EPG5: variants seen among roughly 807,000 people sequenced by gnomAD.
EPG5 encodes ectopic P-granules 5 autophagy tethering factor.
EPG5 carries 159 observed loss-of-function variants against 302.7 expected under a neutral mutation model. The observed-to-expected ratio is 0.53, with a 90% CI of 0.46 to 0.60. The LOEUF is 0.60. EPG5 is among the 20% of genes least tolerant of loss of function. The probability of loss-of-function intolerance (pLI) is 0.00; values close to 1 mark genes in which losing one functional copy is unlikely to be tolerated. For synonymous variants in EPG5, 1,158 were observed against 1,136.8 expected (o/e 1.02, Z -0.37); for missense variants, 2,896 against 3,092.4 (o/e 0.94, Z 1.51).
In EPG5 at chr18:45,879,984, T is replaced by C. The variant is rs1348590010; in HGVS notation, c.5667+91A>G. 4.3e-6 allele frequency: 6 copies of C among 1,385,676 alleles called. No homozygotes were observed. The Admixed American group carries it at 7.0e-5, about 16-fold the overall frequency. 85.8% of individuals were successfully genotyped at this position (1,385,676 alleles called of 1,614,324 possible). A position where few individuals can be genotyped will look rare whatever the true frequency, so the allele number is the denominator to read the frequency against. On this transcript the variant is annotated intron_variant, in intron 32 of 43. Coordinates refer to ENST00000282041, the MANE Select transcript of EPG5 (RefSeq NM_020964.3). ...AAGAAAAACACATGGCTCTTAAAGA[T>C]AATGCACAAGTTTTCCAACTGCTTA...
At chr18:45,898,985 C>T (rs2049541466) in intron 27 of EPG5, among the ~76,000 whole-genome samples, 1 of 152,088 alleles carries the variant, frequency 6.6e-6, no homozygotes, top group African/African-American at 2.4e-5. Flanking sequence ...ATTAGCCGGG[C>T]GTGGTGGCAG....
At chr18:45,903,873 T>C (rs2049682916) in intron 25 of EPG5, 100 bp downstream of exon 25, 1 of 1,251,246 alleles carries the variant, frequency 8.0e-7, no homozygotes. Context: ...AGAGGAAAAA[T>C]GAACACTGGG....
the EPG5 span, among the ~76,000 whole-genome samples, chr18:45,806,666 A>G: frequency 2.1e-4 from 32 of 152,146 alleles, no homozygotes; most frequent in Non-Finnish European, 2.9e-4. Flanking sequence ...GAGTCAATTT[A>G]GAGAGCCTAG....
chr18:45,923,678 A>G (rs1667685808), intron 14 of EPG5, among the ~76,000 whole-genome samples: 1 of 152,194 alleles, frequency 6.6e-6, no homozygotes, highest in African/African-American at 2.4e-5. Flanking sequence ...CTCTACAAAC[A>G]CTTCGGGTCA....
rs2050066407 is a variant in EPG5 at position 45,917,785 on chromosome 18, A to G, written c.3133T>C (p.Leu1045=). 2 of 1,614,008 alleles carry G rather than the reference A, an allele frequency of 1.2e-6. No individual in the cohort carries two copies. The highest frequency in any genetic ancestry group is 1.3e-5 in the African/African-American group (1 of 74,942). ...EKFCAEGIPL[L]GILVQSRHLR... ...TGTCTTGACTGGACCAGAATTCCCA[A>G]TAGTGGGATGCCTTCTGCACAGAAC... Residue 1045 remains leucine, a synonymous_variant, in exon 17 of 44, where the codon TTG becomes CTG. Coordinates refer to ENST00000282041, the MANE Select transcript of EPG5 (RefSeq NM_020964.3).
Position 45,871,672 on chromosome 18 carries a change from C to T in EPG5, c.6050-930G>A, listed in dbSNP as rs546478702. Among the ~76,000 whole-genome samples, 6 of 152,100 alleles carry T rather than the reference C, an allele frequency of 3.9e-5. No homozygotes were observed. In the East Asian group the frequency reaches 5.8e-4, roughly 15 times the overall value. ...GAGAACTCATGCTAAGTGAAGAAAA[C>T]GAGGCACAGAAAGACAAATGCCACA... On this transcript the variant is annotated intron_variant, in intron 35 of 43. Transcript: ENST00000282041.
At chr18:45,838,525 T>C in the EPG5 span, 3 of 756,820 alleles carry the variant, frequency 4.0e-6, no homozygotes, top group South Asian at 6.3e-5. Context: ...GATCCTCACT[T>C]TACACATGGA....
At chr18:45,816,962 A>C in the EPG5 span, among the ~76,000 whole-genome samples, 1 of 152,262 alleles carries the variant, frequency 6.6e-6, no homozygotes, top group African/African-American at 2.4e-5. Flanking sequence ...AATGGCATTC[A>C]CAGCAACCTG....
At chr18:45,953,965 G>C in intron 2 of EPG5, 1 of 975,940 alleles carries the variant, frequency 1.0e-6, no homozygotes, top group African/African-American at 1.8e-5. Context: ...TGACCCATGG[G>C]CTGAATTTCA....
chr18:45,961,741 C>T (rs538828378), intron 1 of EPG5, among the ~76,000 whole-genome samples: 2 of 151,996 alleles, frequency 1.3e-5, no homozygotes, highest in South Asian at 4.1e-4. Context: ...GCCTGTAATC[C>T]CAGCTACTCA....
chr18:45,871,850 T>A (rs562509639), intron 35 of EPG5, among the ~76,000 whole-genome samples: 1 of 152,094 alleles, frequency 6.6e-6, no homozygotes, highest in Admixed American at 6.6e-5. Context: ...GCAGGAGGAA[T>A]AGGTTTCAGG....
chr18:45,947,606 C>T (rs1015434463), intron 6 of EPG5, among the ~76,000 whole-genome samples: 5 of 152,024 alleles, frequency 3.3e-5, no homozygotes, highest in African/African-American at 7.3e-5. Flanking sequence ...CCAACCCACC[C>T]GAGTTCTTCA....
intron 35 of EPG5, among the ~76,000 whole-genome samples, chr18:45,875,598 A>C (rs2048951064): frequency 6.6e-6 from 1 of 152,156 alleles, no homozygotes; most frequent in Non-Finnish European, 1.5e-5. Context: ...GAAATTACCC[A>C]TAATAAAGCA....
At position 45,901,121 on chromosome 18, in the gene EPG5, C is replaced by G. The variant is rs758611855; in HGVS notation, c.4521G>C (p.Gln1507His). The G allele has an allele frequency of 2.9e-5, 46 of 1,614,034 alleles. No individual in the cohort carries two copies. The highest frequency in any genetic ancestry group is 3.9e-5 in the Non-Finnish European group (46 of 1,180,040). Reference sequence around the variant, plus strand: ...TCGTCGGGTGCAGAGCAAGGGGAGGCTGGGGAGCCTCATGCTTCCGCAAGT... The same window carrying G: ...TCGTCGGGTGCAGAGCAAGGGGAGGGTGGGGAGCCTCATGCTTCCGCAAGT... ...LSNLRKHEAP[Q>H]PPLALHPTKP... The change falls in exon 26 of 44, where the codon CAG (glutamine) becomes CAC (histidine). Residue 1507 changes from glutamine (Q) to histidine (H), a missense_variant. This residue lies in a region of EPG5 where 790 missense variants were observed against 798.0 expected (regional missense o/e 0.99). Transcript: ENST00000282041.
intron 1 of EPG5, among the ~76,000 whole-genome samples, chr18:45,965,586 T>C (rs1004777667): frequency 1.3e-5 from 2 of 152,216 alleles, no homozygotes; most frequent in Admixed American, 1.3e-4. Context: ...CGGATTACAG[T>C]ATCATGCTTA....
intron 27 of EPG5, among the ~76,000 whole-genome samples, chr18:45,898,310 ACTTCTCT>A: frequency 6.6e-6 from 1 of 152,164 alleles, no homozygotes; most frequent in Non-Finnish European, 1.5e-5. Context: ...AACTTAATTA[ACTTCTCT>A]GTGACTCTAC....
At chr18:45,861,794 G>C (rs1397193308) in intron 39 of EPG5, among the ~76,000 whole-genome samples, 1 of 151,948 alleles carries the variant, frequency 6.6e-6, no homozygotes, top group East Asian at 1.9e-4. Context: ...CGTTTCAAGG[G>C]TCTTGTCCAT....
intron 30 of EPG5, 85 bp downstream of exon 30, chr18:45,884,532 C>T: frequency 7.7e-7 from 1 of 1,294,188 alleles, no homozygotes; most frequent in Non-Finnish European, 1.1e-6. Context: ...AACAAAACTG[C>T]AGAGGTCCTT....
At chr18:45,937,316 G>C (rs932235007) in intron 10 of EPG5, among the ~76,000 whole-genome samples, 2 of 126,590 alleles carry the variant, frequency 1.6e-5, no homozygotes, top group South Asian at 2.5e-4. Flanking sequence ...ATTTATATAG[G>C]TATTTATATA....
Sources: allele counts gnomAD v4.1 joint callset (sites outside exome capture counted in the v4.1 genomes callset), GRCh38; gene constraint gnomAD v4.1.1; regional missense constraint gnomAD v4.1.1; transcripts MANE v1.5; gene names NCBI Gene and HGNC (gene_info 2026-07-23, HGNC 2026-07-21).